The following SLC25A21 variants were observed in gnomAD, a reference collection of about 807,000 sequenced individuals.
SLC25A21 encodes mitochondrial 2-oxodicarboxylate carrier.
Under a neutral mutation model 43.8 loss-of-function variants are expected in SLC25A21, and 47 were observed. That is an observed-to-expected ratio of 1.07 (90% CI 0.85 to 1.37). The LOEUF is 1.37. SLC25A21 is among the 40% of genes most tolerant of loss of function. The pLI is 0.00. For synonymous variants in SLC25A21, 131 were observed against 121.3 expected (o/e 1.08, Z -0.52); for missense variants, 352 against 350.2 (o/e 1.00, Z -0.04).
chr14:36,798,598 T>G (rs1464714552), intron 3 of SLC25A21, among the ~76,000 whole-genome samples: 1 of 151,626 alleles, frequency 6.6e-6, no homozygotes, highest in East Asian at 2.0e-4. Flanking sequence ...AACAGAGGAC[T>G]GTGTACACAT....
At position 36,918,794 on chromosome 14, in the gene SLC25A21, G is replaced by A. The variant is rs531422692; in HGVS notation, c.71-43790C>T. ...TTTATTACCTTTAAAAATAACTAAT[G>A]AAAAACATTCACAAAAAAGACCAAA... On this transcript the variant is annotated intron_variant, in intron 1 of 9. Transcript: ENST00000331299. 4.3e-4 allele frequency among the ~76,000 whole-genome samples: 66 copies of A among 152,022 alleles called. 1 individual carries two copies. The highest frequency in any genetic ancestry group is 1.5e-3 in the African/African-American group (64 of 41,512).
At chr14:36,979,333 T>G (rs983319201) in intron 1 of SLC25A21, among the ~76,000 whole-genome samples, 8 of 128,906 alleles carry the variant, frequency 6.2e-5, no homozygotes, top group South Asian at 2.3e-4. Flanking sequence ...GTTTTTTTGG[T>G]TTTTTTTTTT....
chr14:37,171,154 G>A (rs1014786883), intron 1 of SLC25A21, among the ~76,000 whole-genome samples: 1 of 146,984 alleles, frequency 6.8e-6, no homozygotes, highest in Non-Finnish European at 1.5e-5. Context: ...GGGAGGGGAG[G>A]GGAAAGATTT....
chr14:36,994,821 C>G (rs912473767), intron 1 of SLC25A21, among the ~76,000 whole-genome samples: 1 of 152,166 alleles, frequency 6.6e-6, no homozygotes, highest in African/African-American at 2.4e-5. Context: ...TGGCATTAAA[C>G]CAATGCAGTC....
At chr14:36,868,177 A>T (rs1325823483) in intron 2 of SLC25A21, among the ~76,000 whole-genome samples, 1 of 152,216 alleles carries the variant, frequency 6.6e-6, no homozygotes, top group East Asian at 1.9e-4. Flanking sequence ...GCTGGAGAGT[A>T]TGAAGCCAGA....
intron 2 of SLC25A21, among the ~76,000 whole-genome samples, chr14:36,828,957 A>G (rs1418155236): frequency 2.0e-5 from 3 of 152,078 alleles, no homozygotes; most frequent in Non-Finnish European, 4.4e-5. Context: ...GTTGGAGTGG[A>G]GTGGTGAAAT....
chr14:36,706,096 C>G (rs1359584407), intron 7 of SLC25A21, among the ~76,000 whole-genome samples: 2 of 152,072 alleles, frequency 1.3e-5, no homozygotes, highest in African/African-American at 4.8e-5. Flanking sequence ...TGACTTTGTT[C>G]TAGGCCAAGA....
intron 1 of SLC25A21, among the ~76,000 whole-genome samples, chr14:37,114,973 G>C (rs1963081542): frequency 6.6e-6 from 1 of 152,150 alleles, no homozygotes; most frequent in Non-Finnish European, 1.5e-5. Context: ...TTCAGCTAAA[G>C]ATAACAATTG....
intron 1 of SLC25A21, among the ~76,000 whole-genome samples, chr14:37,108,337 T>C (rs1262915564): frequency 1.3e-5 from 2 of 152,194 alleles, no homozygotes; most frequent in African/African-American, 2.4e-5. Context: ...AAAAAATTTA[T>C]GATAGAAACC....
intron 1 of SLC25A21, among the ~76,000 whole-genome samples, chr14:37,151,036 T>C (rs57235322): frequency 0.061 from 9,339 of 152,196 alleles, 450 homozygotes; most frequent in African/African-American, 0.13. Flanking sequence ...TCTCTCTCTC[T>C]CTTTCTCTTC....
chr14:36,687,076 T>C (rs908487161), intron 7 of SLC25A21, among the ~76,000 whole-genome samples: 1 of 151,784 alleles, frequency 6.6e-6, no homozygotes, highest in African/African-American at 2.4e-5. Context: ...CTCAGCCTCC[T>C]GAGTAGCTGG....
chr14:37,148,530 A>G (rs572364285), intron 1 of SLC25A21, among the ~76,000 whole-genome samples: 2 of 152,350 alleles, frequency 1.3e-5, no homozygotes, highest in African/African-American at 4.8e-5. Context: ...AAAGAGGTCA[A>G]AGTATTTGAC....
chr14:36,912,104 G>T (rs1891701338), intron 1 of SLC25A21, among the ~76,000 whole-genome samples: 1 of 151,454 alleles, frequency 6.6e-6, no homozygotes, highest in African/African-American at 2.4e-5. Flanking sequence ...ATGTATTTTG[G>T]GGATTAAAAA....
chr14:37,154,152 G>A (rs923089811), intron 1 of SLC25A21, among the ~76,000 whole-genome samples: 2 of 152,076 alleles, frequency 1.3e-5, no homozygotes, highest in African/African-American at 4.8e-5. Context: ...ACCCACCACT[G>A]TCATCACTGG....
At chr14:36,918,999 T>C (rs1005502700) in intron 1 of SLC25A21, among the ~76,000 whole-genome samples, 6 of 151,926 alleles carry the variant, frequency 3.9e-5, no homozygotes, top group East Asian at 3.9e-4. Context: ...AGACAGTAAA[T>C]AGAGATAGAG....
chr14:37,061,222 GC>G (rs1388180873), intron 1 of SLC25A21, among the ~76,000 whole-genome samples: 1 of 152,106 alleles, frequency 6.6e-6, no homozygotes, highest in African/African-American at 2.4e-5. Context: ...TGTCTGCCAA[GC>G]CTCCTCAAGT....
intron 1 of SLC25A21, among the ~76,000 whole-genome samples, chr14:36,921,016 C>T (rs528732962): frequency 1.1e-4 from 16 of 152,232 alleles, no homozygotes; most frequent in South Asian, 2.1e-4. Flanking sequence ...ACTATTGATT[C>T]ATGATTTACA....
At chr14:36,758,995 T>G (rs180804634) in intron 3 of SLC25A21, among the ~76,000 whole-genome samples, 1 of 152,196 alleles carries the variant, frequency 6.6e-6, no homozygotes, top group Non-Finnish European at 1.5e-5. Flanking sequence ...CAGAGACACA[T>G]GGGCATTTTC....
At chr14:36,700,558 C>T (rs1184633851) in intron 7 of SLC25A21, among the ~76,000 whole-genome samples, 1 of 152,132 alleles carries the variant, frequency 6.6e-6, no homozygotes, top group Non-Finnish European at 1.5e-5. Context: ...ATGTAGAGTA[C>T]AATGATTAAG....
Sources: allele counts gnomAD v4.1 joint callset (sites outside exome capture counted in the v4.1 genomes callset), GRCh38; gene constraint gnomAD v4.1.1; transcripts MANE v1.5; gene names NCBI Gene and HGNC (gene_info 2026-07-23, HGNC 2026-07-21).